The following CCSER1 variants were observed in gnomAD, a reference collection of about 807,000 sequenced individuals.
CCSER1 encodes the protein coiled-coil serine rich protein 1, also known as serine-rich coiled-coil domain-containing protein 1.
Under a neutral mutation model 82.0 loss-of-function variants are expected in CCSER1, and 41 were observed. The observed-to-expected ratio is 0.50, with a 90% CI of 0.39 to 0.65. The LOEUF (loss-of-function observed/expected upper bound fraction) is 0.65, where lower values mean the gene tolerates loss of function less well. Among genes scored for constraint, CCSER1 ranks in the 30% least tolerant of loss-of-function variants. CCSER1 has a pLI of 0.00. For missense variants in CCSER1, 1,119 were observed against 1,064.2 expected (o/e 1.05, Z -0.72); for synonymous variants, 414 against 383.9 (o/e 1.08, Z -0.92).
At chr4:91,190,007 G>C (rs115942680) in intron 10 of CCSER1, among the ~76,000 whole-genome samples, 1,931 of 152,296 alleles carry the variant, frequency 0.013, 13 homozygotes, top group Non-Finnish European at 0.019. Flanking sequence ...GCATGTTGCA[G>C]TACCTGTCTA....
chr4:91,139,754 G>A (rs1482394943), intron 10 of CCSER1, among the ~76,000 whole-genome samples: 1 of 152,096 alleles, frequency 6.6e-6, no homozygotes, highest in African/African-American at 2.4e-5. Context: ...CTTATCTAGT[G>A]TCTAATATAC....
chr4:91,039,216 T>C (rs912698198), intron 9 of CCSER1, among the ~76,000 whole-genome samples: 59 of 151,368 alleles, frequency 3.9e-4, no homozygotes, highest in African/African-American at 1.4e-3. Context: ...TTCTTTCTTT[T>C]TTTTTTTATG....
At chr4:90,469,211 A>G (rs1332731063) in intron 5 of CCSER1, among the ~76,000 whole-genome samples, 1 of 152,004 alleles carries the variant, frequency 6.6e-6, no homozygotes, top group Non-Finnish European at 1.5e-5. Flanking sequence ...TGCTTCTTGT[A>G]TGTCTTTTTA....
chr4:90,861,927 T>TATATATATATATATA (rs796104595), intron 8 of CCSER1, among the ~76,000 whole-genome samples: 1 of 74,418 alleles, frequency 1.3e-5, no homozygotes, highest in African/African-American at 3.7e-5. Context: ...TATATATATA[T>TATATATATATATATA]TTTTTTTTTC....
chr4:91,110,080 A>G (rs529577374), intron 10 of CCSER1, among the ~76,000 whole-genome samples: 1 of 152,196 alleles, frequency 6.6e-6, no homozygotes, highest in African/African-American at 2.4e-5. Flanking sequence ...ATTTTAACTC[A>G]TCTACCTGTT....
chr4:91,586,558 C>T (rs1764004410), intron 10 of CCSER1, among the ~76,000 whole-genome samples: 1 of 151,650 alleles, frequency 6.6e-6, no homozygotes, highest in Non-Finnish European at 1.5e-5. Context: ...ATTAAAATGC[C>T]TCTTAATGTG....
chr4:90,963,622 G>A (rs1188260996), intron 9 of CCSER1, among the ~76,000 whole-genome samples: 3 of 152,074 alleles, frequency 2.0e-5, no homozygotes, highest in Admixed American at 2.0e-4. Flanking sequence ...GGCCATTTGA[G>A]GGCACAGTGA....
At chr4:91,021,812 A>G (rs1041543504) in intron 9 of CCSER1, among the ~76,000 whole-genome samples, 1 of 152,150 alleles carries the variant, frequency 6.6e-6, no homozygotes, top group Non-Finnish European at 1.5e-5. Context: ...ACTTGAAAGC[A>G]AAGCACACTT....
chr4:91,465,961 C>G (rs1339272521), intron 10 of CCSER1, among the ~76,000 whole-genome samples: 1 of 152,128 alleles, frequency 6.6e-6, no homozygotes, highest in East Asian at 1.9e-4. Flanking sequence ...TGAAACTATT[C>G]CAATCCATAG....
rs1162653164 is a variant in CCSER1 at position 91,084,681 on chromosome 4, TC to T, written c.2173-1268del. On this transcript the variant is annotated intron_variant, in intron 9 of 10. Transcript: ENST00000509176. ...ATATAATTTAGCCTCTTTAAACTGT[TC>T]TATAAATTTAGATAATTTTCTATAA... Among the ~76,000 whole-genome samples, 15 of 152,274 alleles carry T rather than the reference TC, an allele frequency of 9.9e-5. No individual in the cohort carries two copies. In the East Asian group the frequency reaches 2.9e-3, roughly 29 times the overall value.
intron 10 of CCSER1, among the ~76,000 whole-genome samples, chr4:91,251,704 A>G (rs1392478030): frequency 6.6e-6 from 1 of 152,192 alleles, no homozygotes; most frequent in Non-Finnish European, 1.5e-5. Context: ...TCTCAATTAC[A>G]TTTGTTCATT....
intron 5 of CCSER1, among the ~76,000 whole-genome samples, chr4:90,614,337 A>C (rs1476229080): frequency 6.6e-6 from 1 of 152,076 alleles, no homozygotes; most frequent in Non-Finnish European, 1.5e-5. Context: ...CAATTCTACA[A>C]TGCCCTGTAG....
At chr4:90,688,769 A>G (rs956361975) in intron 6 of CCSER1, among the ~76,000 whole-genome samples, 1 of 152,170 alleles carries the variant, frequency 6.6e-6, no homozygotes, top group Non-Finnish European at 1.5e-5. Flanking sequence ...TAAATACTTT[A>G]AGTGAAATAC....
intron 10 of CCSER1, among the ~76,000 whole-genome samples, chr4:91,105,618 C>T (rs531549053): frequency 9.2e-5 from 14 of 152,074 alleles, no homozygotes; most frequent in African/African-American, 3.1e-4. Flanking sequence ...GCAGGGGAAT[C>T]GCTTGAACCT....
At chr4:90,621,858 G>A (rs542514827) in intron 5 of CCSER1, among the ~76,000 whole-genome samples, 1 of 152,198 alleles carries the variant, frequency 6.6e-6, no homozygotes, top group South Asian at 2.1e-4. Flanking sequence ...GTCTGTGGCA[G>A]ATCTTCTCCT....
At chr4:91,497,034 A>T (rs957725205) in intron 10 of CCSER1, among the ~76,000 whole-genome samples, 3 of 150,362 alleles carry the variant, frequency 2.0e-5, no homozygotes, top group Non-Finnish European at 3.0e-5. Flanking sequence ...ATTAGATTCA[A>T]ACTTGATCTC....
intron 4 of CCSER1, among the ~76,000 whole-genome samples, chr4:90,442,217 A>T (rs941962233): frequency 6.6e-6 from 1 of 152,154 alleles, no homozygotes; most frequent in East Asian, 1.9e-4. Flanking sequence ...CAACAAAAAA[A>T]TGAGACATCA....
intron 5 of CCSER1, among the ~76,000 whole-genome samples, chr4:90,595,880 G>A (rs181397283): frequency 1.3e-5 from 2 of 151,794 alleles, no homozygotes; most frequent in Admixed American, 1.3e-4. Flanking sequence ...TTTATAGAAT[G>A]GTATGTTGTA....
chr4:91,172,141 C>T (rs962380794), intron 10 of CCSER1, among the ~76,000 whole-genome samples: 1 of 152,068 alleles, frequency 6.6e-6, no homozygotes, highest in Non-Finnish European at 1.5e-5. Flanking sequence ...ACCTATGACC[C>T]TTGCAACGTC....
Sources: allele counts gnomAD v4.1 joint callset (sites outside exome capture counted in the v4.1 genomes callset), GRCh38; gene constraint gnomAD v4.1.1; transcripts MANE v1.5; gene names NCBI Gene and HGNC (gene_info 2026-07-23, HGNC 2026-07-21).